Variants in MCPH1 observed in about 807,000 individuals in gnomAD.
MCPH1 encodes microcephalin 1, also known as microcephalin.
Under a neutral mutation model 84.5 loss-of-function variants are expected in MCPH1, and 104 were observed. That is an observed-to-expected ratio of 1.23 (90% CI 1.05 to 1.45). The LOEUF (loss-of-function observed/expected upper bound fraction) is 1.45. MCPH1 is among the 40% of genes most tolerant of loss of function. The pLI is 0.00. For missense variants in MCPH1, 1,498 were observed against 1,005.7 expected (o/e 1.49, Z -6.62); for synonymous variants, 514 against 366.8 (o/e 1.40, Z -4.58).
At chr8:6,417,370 G>C (rs1368717010) in intron 3 of MCPH1, among the ~76,000 whole-genome samples, 2 of 148,018 alleles carry the variant, frequency 1.4e-5, no homozygotes, top group Non-Finnish European at 3.0e-5. Context: ...TAGAAAATAA[G>C]TAAACAAATG....
intron 8 of MCPH1, among the ~76,000 whole-genome samples, chr8:6,449,794 T>A (rs1330556560): frequency 6.6e-6 from 1 of 152,202 alleles, no homozygotes; most frequent in Admixed American, 6.5e-5. Flanking sequence ...AGAGAATCGT[T>A]GCTTATGTGT....
intron 12 of MCPH1, among the ~76,000 whole-genome samples, chr8:6,603,292 G>A (rs1037574297): frequency 3.3e-5 from 5 of 152,194 alleles, no homozygotes; most frequent in African/African-American, 9.6e-5. Flanking sequence ...TTTCTCACTG[G>A]TGATTGTGCA....
At chr8:6,597,049 G>A (rs1396837138) in intron 12 of MCPH1, among the ~76,000 whole-genome samples, 1 of 152,220 alleles carries the variant, frequency 6.6e-6, no homozygotes, top group Non-Finnish European at 1.5e-5. Flanking sequence ...AGGTGGGCAG[G>A]AGATGGGCTT....
At chr8:6,416,411 G>C (rs1799310280) in intron 3 of MCPH1, among the ~76,000 whole-genome samples, 1 of 152,142 alleles carries the variant, frequency 6.6e-6, no homozygotes, top group Admixed American at 6.6e-5. Context: ...AAAGCTTTCA[G>C]TATTTCATTA....
chr8:6,601,323 C>G (rs1829342793), intron 12 of MCPH1, among the ~76,000 whole-genome samples: 1 of 152,174 alleles, frequency 6.6e-6, no homozygotes, highest in Non-Finnish European at 1.5e-5. Flanking sequence ...GGTTCTAGTT[C>G]AGACTCTTGA....
chr8:6,508,548 A>G (rs1422439197), intron 12 of MCPH1: 5 of 304,494 alleles, frequency 1.6e-5, no homozygotes, highest in South Asian at 1.2e-4. Flanking sequence ...AAATATTTCT[A>G]TAATCTATAT....
At chr8:6,443,077 G>C (rs1040649279) in intron 7 of MCPH1, among the ~76,000 whole-genome samples, 2 of 152,170 alleles carry the variant, frequency 1.3e-5, no homozygotes, top group Non-Finnish European at 2.9e-5. Context: ...TCCTCTAAGT[G>C]TCTTATTCAC....
intron 12 of MCPH1, chr8:6,616,185 T>TA (rs1248514838): frequency 6.6e-6 from 1 of 152,162 alleles, no homozygotes; most frequent in Non-Finnish European, 1.5e-5. Context: ...GTAAGACACG[T>TA]CCTGTATCAT....
At chr8:6,588,791 C>G (rs1025740106) in intron 12 of MCPH1, among the ~76,000 whole-genome samples, 5 of 152,254 alleles carry the variant, frequency 3.3e-5, no homozygotes, top group African/African-American at 4.8e-5. Context: ...CCTCTCTGCC[C>G]AGGTCTCACC....
chr8:6,596,829 C>A (rs7844613), intron 12 of MCPH1, among the ~76,000 whole-genome samples: 4 of 152,118 alleles, frequency 2.6e-5, no homozygotes, highest in Admixed American at 2.6e-4. Flanking sequence ...ACACATGCAG[C>A]GGAGAATAAT....
At chr8:6,485,112 G>A (rs1041528331) in intron 11 of MCPH1, among the ~76,000 whole-genome samples, 20 of 152,132 alleles carry the variant, frequency 1.3e-4, no homozygotes, top group African/African-American at 4.6e-4. Flanking sequence ...GGATCACGAG[G>A]TCAGCAGTTC....
intron 11 of MCPH1, 37 bp from the exon 12 acceptor site, chr8:6,499,815 A>G (rs916204339): frequency 6.3e-7 from 1 of 1,590,154 alleles, no homozygotes; most frequent in Admixed American, 1.7e-5. Flanking sequence ...TAAGGCTAAT[A>G]AATGTATAAT....
Position 6,496,097 on chromosome 8 carries a change from A to T in MCPH1, c.2137-3755A>T, listed in dbSNP as rs1265219947. ...TATTATTATTACATTGTAATATATAATGAAGTAATTATACAACTCACTGTA... is the reference window on the plus strand; with the variant it reads ...TATTATTATTACATTGTAATATATATTGAAGTAATTATACAACTCACTGTA... On this transcript the variant is annotated intron_variant, in intron 11 of 13. Coordinates refer to ENST00000344683, the MANE Select transcript of MCPH1 (RefSeq NM_024596.5). 2.0e-5 allele frequency among the ~76,000 whole-genome samples: 3 copies of T among 152,326 alleles called. No individual in the cohort carries two copies. In the East Asian group the frequency reaches 5.8e-4, roughly 29 times the overall value.
rs562801126 is a variant in MCPH1, at chr8:6,501,042, T to A, written c.2214+1113T>A. Reference sequence around the variant, plus strand: ...TATTTTCAGTTGTTTTTCAACTTGATACAAGGCCATGATACCGTTGTTGAA... The same window carrying A: ...TATTTTCAGTTGTTTTTCAACTTGAAACAAGGCCATGATACCGTTGTTGAA... On this transcript the variant is annotated intron_variant, in intron 12 of 13. Transcript: ENST00000344683. 4.6e-5 allele frequency: 7 copies of A among 152,362 alleles called. No homozygotes were observed. The East Asian group carries it at 1.3e-3, about 29-fold the overall frequency. 9.4% of individuals were successfully genotyped at this position (152,362 alleles called of 1,614,324 possible).
At chr8:6,492,689 TA>T (rs1810761121) in intron 11 of MCPH1, among the ~76,000 whole-genome samples, 1 of 147,506 alleles carries the variant, frequency 6.8e-6, no homozygotes, top group African/African-American at 2.4e-5. Flanking sequence ...TATTAAAATT[TA>T]AAATTTTTTT....
intron 12 of MCPH1, among the ~76,000 whole-genome samples, chr8:6,587,036 C>T (rs998638432): frequency 1.3e-5 from 2 of 151,704 alleles, no homozygotes; most frequent in East Asian, 1.9e-4. Context: ...TTCGGCTCAG[C>T]GCTAGGGACC....
At chr8:6,540,427 G>C (rs547717137) in intron 12 of MCPH1, among the ~76,000 whole-genome samples, 1 of 152,194 alleles carries the variant, frequency 6.6e-6, no homozygotes, top group Non-Finnish European at 1.5e-5. Flanking sequence ...CATTTCATAT[G>C]CAAAAGGTGT....
At chr8:6,426,262 A>G (rs1288957605) in intron 3 of MCPH1, among the ~76,000 whole-genome samples, 2 of 152,176 alleles carry the variant, frequency 1.3e-5, no homozygotes, top group African/African-American at 2.4e-5. Flanking sequence ...TTTTTTGTGT[A>G]TACCTGTGTC....
At chr8:6,407,956 A>G (rs765494465) in intron 1 of MCPH1, among the ~76,000 whole-genome samples, 1 of 152,232 alleles carries the variant, frequency 6.6e-6, no homozygotes, top group Non-Finnish European at 1.5e-5. Flanking sequence ...ATTGGAACAC[A>G]GGCCGGCCCG....
Sources: gnomAD v4.1 joint callset for allele counts (sites outside exome capture counted in the v4.1 genomes callset) on GRCh38, gnomAD v4.1.1 for gene constraint, MANE v1.5 for transcripts, NCBI Gene and HGNC (gene_info 2026-07-23, HGNC 2026-07-21) for gene names.